The following SGCZ variants were observed in gnomAD, a reference collection of about 807,000 sequenced individuals.
SGCZ encodes the protein zeta-sarcoglycan.
Under a neutral mutation model 41.3 loss-of-function variants are expected in SGCZ, and 40 were observed. That is an observed-to-expected ratio of 0.97 (90% confidence interval 0.75 to 1.26). SGCZ has a LOEUF of 1.26. SGCZ is among the 50% of genes most tolerant of loss of function. The probability of loss-of-function intolerance (pLI) is 0.00; values close to 1 mark genes in which losing one functional copy is unlikely to be tolerated. For synonymous variants in SGCZ, 206 were observed against 137.5 expected, an observed-to-expected ratio of 1.50 and a Z score of -3.49; for missense variants, 552 against 369.8, an observed-to-expected ratio of 1.49 and a Z score of -4.04.
At chr8:14,605,525 C>G (rs559467294) in intron 1 of SGCZ, among the ~76,000 whole-genome samples, 2 of 151,942 alleles carry the variant, frequency 1.3e-5, no homozygotes, top group East Asian at 3.9e-4. Context: ...TTTTTTTGTA[C>G]CCATTAACCA....
chr8:14,743,002 A>G (rs1208572237), intron 1 of SGCZ, among the ~76,000 whole-genome samples: 5 of 152,132 alleles, frequency 3.3e-5, no homozygotes. Flanking sequence ...AAATTTTCTC[A>G]CTAATTTGCT....
intron 1 of SGCZ, among the ~76,000 whole-genome samples, chr8:14,621,579 G>A (rs868539614): frequency 6.6e-5 from 10 of 152,200 alleles, no homozygotes; most frequent in African/African-American, 1.4e-4. Flanking sequence ...AAGCATGACC[G>A]GAACGCCTCA....
At chr8:15,206,452 C>CTTTTTTTTTTTTT (rs3069943) in intron 1 of SGCZ, among the ~76,000 whole-genome samples, 1 of 144,380 alleles carries the variant, frequency 6.9e-6, no homozygotes. Flanking sequence ...TCTGGGGAGT[C>CTTTTTTTTTTTTT]TTTTTTTTTT....
intron 1 of SGCZ, among the ~76,000 whole-genome samples, chr8:14,697,839 A>T (rs17321361): frequency 0.38 from 58,098 of 151,792 alleles, 13,778 homozygotes; most frequent in Non-Finnish European, 0.54. Flanking sequence ...CTTAATTCTC[A>T]ACATTTGTTC....
intron 3 of SGCZ, among the ~76,000 whole-genome samples, chr8:14,315,184 T>C (rs1369423549): frequency 6.6e-6 from 1 of 152,156 alleles, no homozygotes; most frequent in Non-Finnish European, 1.5e-5. Flanking sequence ...AAGTCTCCAG[T>C]GAGTCATCTG....
chr8:14,810,627 G>A (rs1415443744), intron 1 of SGCZ, among the ~76,000 whole-genome samples: 1 of 151,954 alleles, frequency 6.6e-6, no homozygotes, highest in East Asian at 1.9e-4. Context: ...CAGTTCATTG[G>A]ATATTGCACT....
At chr8:14,507,657 G>A (rs1450307854) in intron 2 of SGCZ, among the ~76,000 whole-genome samples, 3 of 152,054 alleles carry the variant, frequency 2.0e-5, no homozygotes, top group Non-Finnish European at 2.9e-5. Flanking sequence ...ATTCTTTGTC[G>A]ATGTACTTTC....
intron 1 of SGCZ, among the ~76,000 whole-genome samples, chr8:15,194,185 TCACACA>T (rs34127082): frequency 0.067 from 9,329 of 139,456 alleles, 503 homozygotes; most frequent in African/African-American, 0.15. Context: ...CCACCTCTAA[TCACACA>T]CACACACACA....
intron 1 of SGCZ, among the ~76,000 whole-genome samples, chr8:14,582,971 G>T (rs988021788): frequency 8.6e-5 from 13 of 151,792 alleles, no homozygotes; most frequent in Non-Finnish European, 1.2e-4. Context: ...ATAAAAATAC[G>T]TGTGCATGTG....
At chr8:14,716,131 T>C (rs896610028) in intron 1 of SGCZ, among the ~76,000 whole-genome samples, 9 of 151,770 alleles carry the variant, frequency 5.9e-5, no homozygotes, top group Non-Finnish European at 1.0e-4. Flanking sequence ...CTTCTTACCT[T>C]AGAAAAGAGA....
intron 1 of SGCZ, among the ~76,000 whole-genome samples, chr8:14,882,820 C>A (rs560227709): frequency 4.6e-5 from 7 of 152,052 alleles, no homozygotes; most frequent in African/African-American, 1.7e-4. Context: ...TAGACCCTGT[C>A]GGCTCAGCAT....
intron 1 of SGCZ, among the ~76,000 whole-genome samples, chr8:14,743,894 TGGA>T (rs1296729849): frequency 6.6e-6 from 1 of 152,070 alleles, no homozygotes; most frequent in Non-Finnish European, 1.5e-5. Flanking sequence ...TTAAATCCCG[TGGA>T]GAATTCCCCA....
chr8:15,186,983 C>G (rs528498240), intron 1 of SGCZ, among the ~76,000 whole-genome samples: 1 of 152,196 alleles, frequency 6.6e-6, no homozygotes, highest in Non-Finnish European at 1.5e-5. Context: ...GGAGACCTTT[C>G]TATTTGTTAT....
At chr8:14,831,839 C>A (rs1802544519) in intron 1 of SGCZ, among the ~76,000 whole-genome samples, 1 of 144,158 alleles carries the variant, frequency 6.9e-6, no homozygotes, top group East Asian at 1.9e-4. Context: ...TATATGTGTG[C>A]ACATACATGT....
chr8:14,209,445 C>T (rs1006710050), intron 4 of SGCZ, among the ~76,000 whole-genome samples: 60 of 152,076 alleles, frequency 3.9e-4, no homozygotes, highest in African/African-American at 1.3e-3. Context: ...GTATATACCC[C>T]AGACAACAAT....
At chr8:14,229,886 G>C (rs34635812) in intron 4 of SGCZ, among the ~76,000 whole-genome samples, 28,405 of 151,954 alleles carry the variant, frequency 0.19, 3,552 homozygotes, top group Non-Finnish European at 0.28. Flanking sequence ...ACATGTTTAT[G>C]CTTAGCACTA....
chr8:14,256,122 G>C (rs1490546281), intron 3 of SGCZ, among the ~76,000 whole-genome samples: 2 of 152,090 alleles, frequency 1.3e-5, no homozygotes, highest in Admixed American at 6.5e-5. Flanking sequence ...TGGGATACTT[G>C]ATAGATGGCA....
intron 4 of SGCZ, among the ~76,000 whole-genome samples, chr8:14,198,696 G>T (rs575726709): frequency 6.6e-5 from 10 of 152,264 alleles, no homozygotes; most frequent in Admixed American, 1.3e-4. Flanking sequence ...TGAAGTCAGG[G>T]ACCACAAACG....
chr8:14,638,212 T>A (rs1007664453), intron 1 of SGCZ, among the ~76,000 whole-genome samples: 1 of 151,848 alleles, frequency 6.6e-6, no homozygotes, highest in African/African-American at 2.4e-5. Context: ...TTTTTCAGTT[T>A]GTCAGGATGT....
Sources: gnomAD v4.1 joint callset for allele counts (sites outside exome capture counted in the v4.1 genomes callset) on GRCh38, gnomAD v4.1.1 for gene constraint, MANE v1.5 for transcripts, NCBI Gene and HGNC (gene_info 2026-07-23, HGNC 2026-07-21) for gene names.